Variants in CFAP47 observed in about 807,000 individuals in gnomAD.
The protein encoded by CFAP47 is cilia- and flagella-associated protein 47.
Under a neutral mutation model 148.1 loss-of-function variants are expected in CFAP47, and 29 were observed. The observed-to-expected ratio is 0.20, with a 90% CI of 0.15 to 0.27. The LOEUF (loss-of-function observed/expected upper bound fraction) is 0.27. Among genes scored for constraint, CFAP47 ranks in the 10% least tolerant of loss-of-function variants. CFAP47 has a pLI of 1.00. For synonymous variants in CFAP47, 664 were observed against 577.3 expected (o/e 1.15, Z -2.15); for missense variants, 1,872 against 1,697.5 (o/e 1.10, Z -1.81).
chrX:36,126,732 A>G (rs1938846236), intron 33 of CFAP47, among the ~76,000 whole-genome samples: 1 of 111,594 alleles, frequency 9.0e-6, no homozygotes, highest in African/African-American at 3.3e-5. Flanking sequence ...AAGTGTTCTT[A>G]TTTCTCCACA....
At position 36,067,873 on chromosome X, in the gene CFAP47, A is replaced by T. The variant is rs926691798; in HGVS notation, c.4318+2130A>T. On this transcript the variant is annotated intron_variant, in intron 27 of 63. Coordinates refer to ENST00000378653, the MANE Select transcript of CFAP47 (RefSeq NM_001304548.2). ...AGAGACGGGGTTTCACCGTGGTCTC[A>T]ATCTCCTGACCTCGTGATCCGCCCA... Among the ~76,000 whole-genome samples, 3 of 109,736 alleles carry T rather than the reference A, an allele frequency of 2.7e-5. No homozygotes were observed. The East Asian group carries it at 8.7e-4, about 32-fold the overall frequency.
In CFAP47 at chrX:35,975,605, G is replaced by A. The variant is rs970995450; in HGVS notation, c.2472-67G>A. 4.6e-6 allele frequency: 5 copies of A among 1,096,972 alleles called. No homozygotes were observed. In the African/African-American group the frequency reaches 9.1e-5, roughly 20 times the overall value. 90.4% of individuals were successfully genotyped at this position (1,096,972 alleles called of 1,213,427 possible). A position where few individuals can be genotyped will look rare whatever the true frequency, so the allele number is the denominator to read the frequency against. ...AATCAATGCTATGTGCATTTTACGTGTAGCTGAATTCTATAATCACAAATA... is the reference window on the plus strand; with the variant it reads ...AATCAATGCTATGTGCATTTTACGTATAGCTGAATTCTATAATCACAAATA... On this transcript the variant is annotated intron_variant, in intron 14 of 63. Transcript: ENST00000378653.
At chrX:36,037,330 C>T (rs942080067) in intron 24 of CFAP47, among the ~76,000 whole-genome samples, 25 of 103,694 alleles carry the variant, frequency 2.4e-4, no homozygotes, top group African/African-American at 9.0e-4. Flanking sequence ...AGGCTCCCAA[C>T]TTTACTCTTT....
At chrX:36,259,685 G>C (rs185635385) in intron 49 of CFAP47, among the ~76,000 whole-genome samples, 96 of 110,679 alleles carry the variant, frequency 8.7e-4, no homozygotes, top group African/African-American at 3.1e-3. Context: ...CTACCACATT[G>C]TCTCTTTATT....
intron 57 of CFAP47, among the ~76,000 whole-genome samples, chrX:36,326,670 G>A (rs1556013114): frequency 8.9e-6 from 1 of 112,077 alleles, no homozygotes; most frequent in South Asian, 3.7e-4. Context: ...ACTTGAGAGA[G>A]ATGATTTAGC....
intron 13 of CFAP47, among the ~76,000 whole-genome samples, chrX:35,972,288 G>A (rs1936506323): frequency 9.0e-6 from 1 of 110,710 alleles, no homozygotes. Flanking sequence ...GGAGTGCAGT[G>A]GCATGATCTC....
intron 30 of CFAP47, among the ~76,000 whole-genome samples, chrX:36,092,028 G>A (rs1470641559): frequency 9.0e-6 from 1 of 111,040 alleles, no homozygotes; most frequent in Non-Finnish European, 1.9e-5. Flanking sequence ...TTTCTACACA[G>A]TGGCTCTGAT....
chrX:36,268,160 C>A (rs781999227), intron 49 of CFAP47, among the ~76,000 whole-genome samples: 1 of 113,621 alleles, frequency 8.8e-6, no homozygotes, highest in East Asian at 2.8e-4. Context: ...GCTAGCCTGG[C>A]CTTGGCCTCC....
At chrX:36,347,823 T>C (rs985152398) in intron 57 of CFAP47, among the ~76,000 whole-genome samples, 14 of 110,682 alleles carry the variant, frequency 1.3e-4, no homozygotes, top group African/African-American at 4.6e-4. Flanking sequence ...GAGAAATACC[T>C]AATGTAAGTG....
At position 35,993,217 on chromosome X, in the gene CFAP47, A is replaced by G; in HGVS notation, c.2995A>G (p.Ile999Val). 6.8e-6 allele frequency: 2 copies of G among 296,112 alleles called. No homozygotes were observed. Among genetic ancestry groups the G allele is most frequent in the Non-Finnish European group, 5.9e-6 (1 of 169,259 alleles). 24.4% of individuals were successfully genotyped at this position (296,112 alleles called of 1,213,427 possible). ...KVCSQSLLPIINIIPSQGIVP... is the reference protein window; with the variant it reads ...KVCSQSLLPIVNIIPSQGIVP... ...TTGTAGTCAGAGTCTTTTGCCTATC[A>G]TTAATATTATTCCATCGCAAGGAAT... The change falls in exon 18 of 64, where the codon ATT becomes GTT. Residue 999 changes from isoleucine (I) to valine (V), a missense_variant. Coordinates refer to ENST00000378653, the MANE Select transcript of CFAP47 (RefSeq NM_001304548.2).
chrX:36,054,974 G>A (rs754223517), intron 26 of CFAP47, among the ~76,000 whole-genome samples: 17 of 109,354 alleles, frequency 1.6e-4, no homozygotes, highest in South Asian at 7.9e-4. Context: ...GGGTTTCACC[G>A]TGTTAGCCAG....
chrX:36,235,830 A>T (rs781813346), intron 46 of CFAP47, 104 bp from the exon 47 acceptor site: 2 of 356,700 alleles, frequency 5.6e-6, no homozygotes, highest in Admixed American at 1.1e-4. Flanking sequence ...AAATACAATT[A>T]AAAATACAAT....
intron 3 of CFAP47, among the ~76,000 whole-genome samples, chrX:35,943,104 C>G (rs140913480): frequency 7.2e-5 from 8 of 111,394 alleles, no homozygotes; most frequent in Non-Finnish European, 1.3e-4. Flanking sequence ...TTCAGATTAG[C>G]TAGTGCCTAT....
chrX:35,919,737 C>T lies in CFAP47; in HGVS notation c.-63C>T, dbSNP rs772481320. The T allele has an allele frequency of 3.3e-5, 37 of 1,127,077 alleles. No individual in the cohort carries two copies. In the South Asian group the frequency reaches 7.7e-4, roughly 23 times the overall value. The allele number at this position is 1,127,077 out of a possible 1,213,427, so 92.9% of individuals were successfully genotyped here. A position where few individuals can be genotyped will look rare whatever the true frequency, so the allele number is the denominator to read the frequency against. On this transcript the variant is annotated 5_prime_UTR_variant, in exon 1 of 64. Coordinates refer to ENST00000378653, the MANE Select transcript of CFAP47 (RefSeq NM_001304548.2). The stretch of plus-strand genomic sequence containing the variant: ...CGTCTGATGGTTGCCTAGCGACGGT[C>T]GTCGACGCTAATCCTTGGCCGGACG...
At chrX:36,235,084 G>T (rs1216111412) in intron 46 of CFAP47, among the ~76,000 whole-genome samples, 3 of 111,617 alleles carry the variant, frequency 2.7e-5, no homozygotes, top group East Asian at 5.7e-4. Flanking sequence ...CGCACTTGAG[G>T]AGGTAGTCTG....
chrX:36,384,847 C>T lies in CFAP47; in HGVS notation c.9405C>T (p.Thr3135=), dbSNP rs782561262. Residue 3135 remains threonine, a synonymous_variant, in exon 64 of 64, where the codon ACC becomes ACT. Transcript: ENST00000378653. ...AGATCAATGGATTAACTCCAACTACCGTGCCACCAAAAAATGCAAAAGCCA... is the reference window on the plus strand; with the variant it reads ...AGATCAATGGATTAACTCCAACTACTGTGCCACCAAAAAATGCAAAAGCCA... ...KYEINGLTPT[T]VPPKNAKAKI... is the part of the protein sequence containing the mutation. 25 of 1,164,655 alleles carry T rather than the reference C, an allele frequency of 2.1e-5. No individual in the cohort carries two copies. The Admixed American group carries it at 4.7e-4, about 22-fold the overall frequency.
intron 30 of CFAP47, among the ~76,000 whole-genome samples, chrX:36,085,976 A>G (rs1033339178): frequency 3.6e-5 from 4 of 111,128 alleles, no homozygotes; most frequent in Non-Finnish European, 5.7e-5. Context: ...GTCTACAGCA[A>G]ATACATAAAT....
chrX:36,168,933 TTTAG>T (rs1386505839), intron 39 of CFAP47, among the ~76,000 whole-genome samples: 2 of 112,445 alleles, frequency 1.8e-5, no homozygotes, highest in Non-Finnish European at 3.8e-5. Flanking sequence ...AATGAATTGT[TTTAG>T]TTATTCTTTA....
intron 15 of CFAP47, among the ~76,000 whole-genome samples, chrX:35,980,960 T>G (rs1196060181): frequency 9.0e-6 from 1 of 110,840 alleles, no homozygotes; most frequent in Admixed American, 9.7e-5. Context: ...TGATTTTACA[T>G]ATATTTATAT....
Sources: gnomAD v4.1 joint callset for allele counts (sites outside exome capture counted in the v4.1 genomes callset) on GRCh38, gnomAD v4.1.1 for gene constraint, MANE v1.5 for transcripts, NCBI Gene and HGNC (gene_info 2026-07-23, HGNC 2026-07-21) for gene names.